SCAMP5: variants seen among roughly 807,000 people sequenced by gnomAD.
SCAMP5 encodes secretory carrier membrane protein 5.
Under a neutral mutation model 28.3 loss-of-function variants are expected in SCAMP5, and 7 were observed. The ratio of observed to expected loss-of-function variants is 0.25; its 90% confidence interval spans 0.14 to 0.46. The LOEUF (loss-of-function observed/expected upper bound fraction) is 0.46. Ranked by LOEUF, SCAMP5 falls within the 20% of genes least tolerant of loss-of-function variation. SCAMP5 has a pLI of 0.99. For synonymous variants in SCAMP5, 117 were observed against 116.4 expected (o/e 1.00, Z -0.03); for missense variants, 192 against 312.5 (o/e 0.61, Z 2.91).
At chr15:75,011,293 G>A (rs573484566) in intron 1 of SCAMP5, among the ~76,000 whole-genome samples, 41 of 152,232 alleles carry the variant, frequency 2.7e-4, no homozygotes, top group South Asian at 1.5e-3. Context: ...ATGTTTTCAC[G>A]GTGGCTGTGC....
intron 1 of SCAMP5, among the ~76,000 whole-genome samples, chr15:75,001,180 G>A (rs542939600): frequency 6.3e-4 from 95 of 150,976 alleles, no homozygotes; most frequent in African/African-American, 2.3e-3. Flanking sequence ...AGGCTGAGGC[G>A]GGAGAATGGC....
At chr15:75,013,526 C>G (rs189672246) in intron 3 of SCAMP5, among the ~76,000 whole-genome samples, 54 of 152,198 alleles carry the variant, frequency 3.5e-4, no homozygotes, top group Non-Finnish European at 5.9e-4. Flanking sequence ...CAGCAAGACC[C>G]CTGTCTCTAC....
At chr15:75,007,526 T>G (rs750085660) in intron 1 of SCAMP5, 1 of 152,026 alleles carries the variant, frequency 6.6e-6, no homozygotes, top group Non-Finnish European at 1.5e-5. Flanking sequence ...AAGCTGGGAC[T>G]ACAGGCGCAC....
chr15:75,007,344 C>T (rs2065769938), intron 1 of SCAMP5, among the ~76,000 whole-genome samples: 1 of 152,160 alleles, frequency 6.6e-6, no homozygotes, highest in African/African-American at 2.4e-5. Flanking sequence ...CACAGCAGTA[C>T]CAGCAGTAAG....
intron 1 of SCAMP5, among the ~76,000 whole-genome samples, chr15:75,007,905 A>AC (rs2065775529): frequency 6.6e-6 from 1 of 151,880 alleles, no homozygotes; most frequent in Admixed American, 6.6e-5. Context: ...TTGCTGTGTT[A>AC]CCCAGGCTGG....
rs1426062457 is a variant in SCAMP5, at chr15:75,000,782, G to A, written c.-49+5109G>A. 2.0e-5 allele frequency among the ~76,000 whole-genome samples: 3 copies of A among 150,148 alleles called. No individual in the cohort carries two copies. In the East Asian group the frequency reaches 6.0e-4, roughly 30 times the overall value. On this transcript the variant is annotated intron_variant, in intron 1 of 6. Transcript: ENST00000425597. ...CCAAATACTGCCCATGGTCTTCAAG[G>A]CCAGGATGACCTAGCCCCATTTACC...
chr15:75,006,398 A>C (rs1396194173), intron 1 of SCAMP5, among the ~76,000 whole-genome samples: 1 of 151,934 alleles, frequency 6.6e-6, no homozygotes, highest in African/African-American at 2.4e-5. Context: ...CATACCTGTA[A>C]TCCCAGCACT....
intron 2 of SCAMP5, 93 bp downstream of exon 2, chr15:75,011,939 G>A (rs2065815663): frequency 9.5e-7 from 1 of 1,049,418 alleles, no homozygotes; most frequent in African/African-American, 1.6e-5. Context: ...CCTAGTCTTT[G>A]GAGGCCAGGT....
rs142494837 is a variant in SCAMP5, at chr15:75,018,624, G to A, written c.513+89G>A. The A allele has an allele frequency of 1.4e-3, 1,595 of 1,119,064 alleles. 2 individuals carry two copies. The highest frequency in any genetic ancestry group is 1.9e-3 in the Non-Finnish European group (1,366 of 728,874). The allele number at this position is 1,119,064 out of a possible 1,614,324, so 69.3% of individuals were successfully genotyped here. On this transcript the variant is annotated intron_variant, in intron 6 of 6. Coordinates refer to ENST00000425597, the MANE Select transcript of SCAMP5 (RefSeq NM_138967.4). The surrounding 1 kb of genome is among the most constrained non-coding windows in gnomAD (Gnocchi z 5.6). ...CTCCTCCAAGTTGCAAGAGGATCCC[G>A]AGGTCTTCCAAGGGACTCACTCTGG...
intron 1 of SCAMP5, among the ~76,000 whole-genome samples, chr15:75,000,652 A>G (rs1175563690): frequency 2.0e-5 from 3 of 147,018 alleles, no homozygotes; most frequent in Non-Finnish European, 4.5e-5. Flanking sequence ...CCAGAGTGCT[A>G]GGATTACAGG....
intron 1 of SCAMP5, among the ~76,000 whole-genome samples, chr15:74,998,465 G>A (rs1437426810): frequency 6.6e-6 from 1 of 152,222 alleles, no homozygotes; most frequent in African/African-American, 2.4e-5. Flanking sequence ...AATTAGCCAG[G>A]CATGGTGGTG....
chr15:75,002,288 C>A (rs558960740), intron 1 of SCAMP5, among the ~76,000 whole-genome samples: 1 of 151,920 alleles, frequency 6.6e-6, no homozygotes, highest in Admixed American at 6.6e-5. Flanking sequence ...TGCACTGGTG[C>A]CCCTGTGTCT....
Position 75,018,450 on chromosome 15 carries a change from C to A in SCAMP5, c.428C>A (p.Thr143Lys). 1 of 1,613,722 alleles carries A rather than the reference C, an allele frequency of 6.2e-7. No homozygotes were observed. The highest frequency in any genetic ancestry group is 1.1e-5 in the South Asian group (1 of 91,078). The change falls in exon 6 of 7, where the codon ACG becomes AAG. Residue 143 changes from threonine to lysine, a missense_variant. By Grantham distance (78) the Thr-to-Lys change is moderately conservative. Coordinates refer to ENST00000425597, the MANE Select transcript of SCAMP5 (RefSeq NM_138967.4). This position sits in a 1 kb window ranked among gnomAD's most constrained non-coding sequence, Gnocchi z 5.6. ...ATTGCTACCATCTCCTTCTTCGGAACGAACATTGGCTCGGCGGTGGTGATG... is the reference window on the plus strand; with the variant it reads ...ATTGCTACCATCTCCTTCTTCGGAAAGAACATTGGCTCGGCGGTGGTGATG... ...GWIATISFFG[T>K]NIGSAVVMLI... is the part of the protein sequence containing the mutation.
At chr15:75,007,943 A>G (rs9788648) in intron 1 of SCAMP5, among the ~76,000 whole-genome samples, 30,401 of 151,950 alleles carry the variant, frequency 0.2, 4,825 homozygotes, top group South Asian at 0.43. Flanking sequence ...CAAGCGATCC[A>G]TCTGCCTTGG....
At chr15:75,005,636 T>A (rs1260345098) in intron 1 of SCAMP5, among the ~76,000 whole-genome samples, 1 of 152,194 alleles carries the variant, frequency 6.6e-6, no homozygotes, top group African/African-American at 2.4e-5. Context: ...TCATAATTAT[T>A]TTCAGATTAA....
At chr15:75,017,064 G>C (rs2065866158) in intron 4 of SCAMP5, among the ~76,000 whole-genome samples, 1 of 152,064 alleles carries the variant, frequency 6.6e-6, no homozygotes, top group African/African-American at 2.4e-5. Context: ...TGCCTGTGGG[G>C]CTGCCTGTCT....
In SCAMP5 at chr15:75,018,697, CTG is replaced by C; in HGVS notation, c.514-90_514-89del. ...CAGAGGCATTCATGGGGAGGGAGCA[CTG>C]TTTTTTTTTTACAGATGGGTCCCAT... On this transcript the variant is annotated intron_variant, in intron 6 of 6. Coordinates refer to ENST00000425597, the MANE Select transcript of SCAMP5 (RefSeq NM_138967.4). This position sits in a 1 kb window ranked among gnomAD's most constrained non-coding sequence, Gnocchi z 5.6. The C allele has an allele frequency of 9.2e-7, 1 of 1,083,456 alleles. No homozygotes were observed. Among genetic ancestry groups the C allele is most frequent in the Non-Finnish European group, 1.4e-6 (1 of 715,546 alleles). The allele number at this position is 1,083,456 out of a possible 1,614,324, so 67.1% of individuals were successfully genotyped here.
In SCAMP5 at chr15:75,020,342, C is replaced by G. The variant is rs1057426074; in HGVS notation, c.*1359C>G. 1 of 152,742 alleles carries G rather than the reference C, an allele frequency of 6.5e-6. No individual in the cohort carries two copies. Among genetic ancestry groups the G allele is most frequent in the Admixed American group, 6.5e-5 (1 of 15,280 alleles). The allele number at this position is 152,742 out of a possible 1,614,324, so 9.5% of individuals were successfully genotyped here. A position where few individuals can be genotyped will look rare whatever the true frequency, so the allele number is the denominator to read the frequency against. On this transcript the variant is annotated 3_prime_UTR_variant, in exon 7 of 7. Coordinates refer to ENST00000425597, the MANE Select transcript of SCAMP5 (RefSeq NM_138967.4). Reference sequence around the variant, plus strand: ...CCCCACCCTGGCTTGCTCTTGGTCACAGGGCGGTTCTGGGCACTTGAACTC... The same window carrying G: ...CCCCACCCTGGCTTGCTCTTGGTCAGAGGGCGGTTCTGGGCACTTGAACTC...
rs2141416463 is a variant in SCAMP5, at chr15:74,996,012, C to G, written c.-49+339C>G. On this transcript the variant is annotated intron_variant, in intron 1 of 6. Transcript: ENST00000425597. The surrounding 1 kb of genome is among the most constrained non-coding windows in gnomAD (Gnocchi z 4.1). ...CATCCCCCCCGCCAGCCCCACCTGG[C>G]GTTCCCTGGAAACCGGCCTTCTGGA... 6.5e-6 allele frequency: 1 copy of G among 153,186 alleles called. No individual in the cohort carries two copies. The highest frequency in any genetic ancestry group is 1.5e-5 in the Non-Finnish European group (1 of 68,772). 9.5% of individuals were successfully genotyped at this position (153,186 alleles called of 1,614,324 possible).
Sources: gnomAD v4.1 joint callset for allele counts (sites outside exome capture counted in the v4.1 genomes callset) on GRCh38, gnomAD v4.1.1 for gene constraint, Gnocchi (gnomAD v3.1) non-coding constraint, MANE v1.5 for transcripts, NCBI Gene and HGNC (gene_info 2026-07-23, HGNC 2026-07-21) for gene names.